The following FLI1 variants were observed in gnomAD, a reference collection of about 807,000 sequenced individuals.
FLI1 encodes Friend leukemia integration 1 transcription factor.
Under a neutral mutation model 53.1 loss-of-function variants are expected in FLI1, and 13 were observed. The observed-to-expected ratio is 0.24, with a 90% CI of 0.16 to 0.39. The LOEUF (loss-of-function observed/expected upper bound fraction) is 0.39, where lower values mean the gene tolerates loss of function less well. Among genes scored for constraint, FLI1 ranks in the 10% least tolerant of loss-of-function variants. The probability of loss-of-function intolerance (pLI) is 1.00; values close to 1 mark genes in which losing one functional copy is unlikely to be tolerated. For synonymous variants in FLI1, 244 were observed against 236.7 expected, an observed-to-expected ratio of 1.03 and a Z score of -0.28; for missense variants, 424 against 600.5, an observed-to-expected ratio of 0.71 and a Z score of 3.07.
intron 1 of FLI1, among the ~76,000 whole-genome samples, chr11:128,731,837 T>C (rs1420497544): frequency 6.6e-6 from 1 of 152,040 alleles, no homozygotes; most frequent in Non-Finnish European, 1.5e-5. Flanking sequence ...ACCTTGTCTC[T>C]AATAAAAATA....
At chr11:128,770,603 G>A (rs972371568) in intron 3 of FLI1, among the ~76,000 whole-genome samples, 14 of 152,152 alleles carry the variant, frequency 9.2e-5, no homozygotes, top group African/African-American at 2.4e-5. Context: ...GTGCTGTAGA[G>A]GGAGAGTAAT....
chr11:128,769,891 T>C (rs1345593043), intron 3 of FLI1, among the ~76,000 whole-genome samples: 1 of 152,202 alleles, frequency 6.6e-6, no homozygotes, highest in Admixed American at 6.5e-5. Flanking sequence ...GAAACTGTAT[T>C]AGAACTGACA....
chr11:128,695,872 T>C (rs1389731630), intron 1 of FLI1: 1 of 152,196 alleles, frequency 6.6e-6, no homozygotes, highest in East Asian at 1.9e-4. Context: ...TGCTCCCCTC[T>C]AGAAAACTCC....
chr11:128,685,484 T>C (rs2077498), upstream of FLI1, among the ~76,000 whole-genome samples: 134,305 of 151,910 alleles, frequency 0.88, 59,625 homozygotes, highest in African/African-American at 0.95. Context: ...TTTGGGGTCT[T>C]CTCCTTTCTC....
intron 1 of FLI1, among the ~76,000 whole-genome samples, chr11:128,727,766 G>A (rs1486029639): frequency 3.3e-5 from 5 of 152,154 alleles, no homozygotes; most frequent in Admixed American, 2.6e-4. Flanking sequence ...CGTGCAACTG[G>A]CTCTCAGGAA....
intron 1 of FLI1, among the ~76,000 whole-genome samples, chr11:128,712,207 G>A (rs1938808651): frequency 6.6e-6 from 1 of 152,050 alleles, no homozygotes; most frequent in African/African-American, 2.4e-5. Context: ...AAAGAGTCTG[G>A]GACCTCCTCC....
chr11:128,693,662 G>A (rs1417100829), upstream of FLI1: 1 of 231,710 alleles, frequency 4.3e-6, no homozygotes, highest in Admixed American at 5.6e-5. Context: ...AAGGTCTTTG[G>A]CTTTGGATTT....
At chr11:128,786,255 A>G (rs1942077352) in intron 5 of FLI1, among the ~76,000 whole-genome samples, 1 of 152,164 alleles carries the variant, frequency 6.6e-6, no homozygotes, top group Non-Finnish European at 1.5e-5. Context: ...TTGGAGACAC[A>G]CTGGGCGGTT....
intron 1 of FLI1, among the ~76,000 whole-genome samples, chr11:128,687,156 C>T (rs1381830361): frequency 6.6e-6 from 1 of 152,250 alleles, no homozygotes; most frequent in African/African-American, 2.4e-5. Context: ...GGGCGCCACG[C>T]GCTTCTCCTA....
At position 128,764,677 on chromosome 11, in the gene FLI1, C is replaced by A. The variant is rs1463089452; in HGVS notation, c.231-3441C>A. The A allele has an allele frequency of 5.9e-6, 9 of 1,537,320 alleles. No homozygotes were observed. In the African/African-American group the frequency reaches 1.1e-4, roughly 19 times the overall value. On this transcript the variant is annotated intron_variant, in intron 2 of 8. Coordinates refer to ENST00000527786, the MANE Select transcript of FLI1 (RefSeq NM_002017.5). Reference sequence around the variant, plus strand: ...CGCCAGCTGCCTCATTAAAGAGCAGCCTTTTATGCTGGGCTTCACCTGTAC... The same window carrying A: ...CGCCAGCTGCCTCATTAAAGAGCAGACTTTTATGCTGGGCTTCACCTGTAC...
chr11:128,742,410 C>T (rs1591771148), intron 1 of FLI1, among the ~76,000 whole-genome samples: 1 of 152,108 alleles, frequency 6.6e-6, no homozygotes, highest in African/African-American at 2.4e-5. Flanking sequence ...GTTTTATGGC[C>T]CCATTGTGAG....
intron 1 of FLI1, among the ~76,000 whole-genome samples, chr11:128,754,205 T>G (rs1391777603): frequency 7.3e-5 from 11 of 151,578 alleles, no homozygotes; most frequent in Admixed American, 6.6e-4. Flanking sequence ...AAAAGCTTTT[T>G]GTCTAGCCAT....
chr11:128,772,775 T>A lies in FLI1; in HGVS notation c.386-7T>A, dbSNP rs776568590. ...AGTCCTTGCTAACAACGTCTTCTCC[T>A]CTGCAGACCCCACACTGTGGACACA... On this transcript the variant is annotated splice_polypyrimidine_tract_variant and splice_region_variant and intron_variant, in intron 3 of 8. Coordinates refer to ENST00000527786, the MANE Select transcript of FLI1 (RefSeq NM_002017.5). 2.0e-5 allele frequency: 32 copies of A among 1,613,686 alleles called. No homozygotes were observed. Among genetic ancestry groups the A allele is most frequent in the Non-Finnish European group, 2.5e-5 (29 of 1,179,604 alleles).
At chr11:128,750,206 G>A (rs1940585758) in intron 1 of FLI1, among the ~76,000 whole-genome samples, 1 of 152,234 alleles carries the variant, frequency 6.6e-6, no homozygotes, top group Non-Finnish European at 1.5e-5. Flanking sequence ...GAGCAGGGCA[G>A]CCACAGGGAA....
At chr11:128,780,356 T>A (rs1286003541) in intron 4 of FLI1, among the ~76,000 whole-genome samples, 2 of 152,186 alleles carry the variant, frequency 1.3e-5, no homozygotes, top group Non-Finnish European at 2.9e-5. Context: ...GCGGTGGTAA[T>A]CCCAGCACTT....
chr11:128,789,954 G>C (rs1354641301), intron 5 of FLI1, among the ~76,000 whole-genome samples: 1 of 152,186 alleles, frequency 6.6e-6, no homozygotes, highest in Non-Finnish European at 1.5e-5. Flanking sequence ...CCTCACAGGA[G>C]AGCCTGTGAA....
upstream of FLI1, among the ~76,000 whole-genome samples, chr11:128,691,337 C>T (rs770294137): frequency 6.6e-6 from 1 of 152,182 alleles, no homozygotes; most frequent in Non-Finnish European, 1.5e-5. Flanking sequence ...GACCATCAAA[C>T]CCTGAGTTAC....
chr11:128,708,732 G>A (rs1938661848), intron 1 of FLI1, among the ~76,000 whole-genome samples: 2 of 152,106 alleles, frequency 1.3e-5, no homozygotes, highest in South Asian at 4.1e-4. Context: ...TCATTGGATG[G>A]CTTTCTTGTT....
chr11:128,700,685 G>A (rs908601911), intron 1 of FLI1, among the ~76,000 whole-genome samples: 3 of 152,106 alleles, frequency 2.0e-5, no homozygotes, highest in African/African-American at 2.4e-5. Flanking sequence ...ACCAGACTGG[G>A]CAACATGGAG....
Sources: allele counts gnomAD v4.1 joint callset (sites outside exome capture counted in the v4.1 genomes callset), GRCh38; gene constraint gnomAD v4.1.1; transcripts MANE v1.5; gene names NCBI Gene and HGNC (gene_info 2026-07-23, HGNC 2026-07-21).